Variants in ENTREP2 observed in about 807,000 individuals in gnomAD.
ENTREP2 encodes endosomal transmembrane epsin interactor 2, also known as protein ENTREP2.
At chr15:29,418,543 A>G in the ENTREP2 span, among the ~76,000 whole-genome samples, 2 of 152,206 alleles carry the variant, frequency 1.3e-5, no homozygotes, top group African/African-American at 2.4e-5. Context: ...GAATACAGTT[A>G]TATGTCTTAT....
chr15:29,353,374 G>C, the ENTREP2 span, among the ~76,000 whole-genome samples: 1 of 152,168 alleles, frequency 6.6e-6, no homozygotes, highest in African/African-American at 2.4e-5. Context: ...CTGGGAAGGA[G>C]AGGAGCTCAT....
At chr15:29,338,559 GA>G in the ENTREP2 span, among the ~76,000 whole-genome samples, 4 of 152,196 alleles carry the variant, frequency 2.6e-5, no homozygotes, top group South Asian at 8.3e-4. Context: ...TGCCTTGGAG[GA>G]CACAGAGGAT....
At chr15:29,559,464 C>T in the ENTREP2 span, among the ~76,000 whole-genome samples, 1 of 152,218 alleles carries the variant, frequency 6.6e-6, no homozygotes, top group African/African-American at 2.4e-5. Flanking sequence ...TGCCACAAAC[C>T]TGGTGACTTA....
the ENTREP2 span, among the ~76,000 whole-genome samples, chr15:29,630,965 A>C: frequency 6.6e-6 from 1 of 152,230 alleles, no homozygotes; most frequent in Non-Finnish European, 1.5e-5. Flanking sequence ...TACAGGCATA[A>C]GCCTGTATTA....
At chr15:29,247,914 G>A in the ENTREP2 span, among the ~76,000 whole-genome samples, 3 of 152,200 alleles carry the variant, frequency 2.0e-5, no homozygotes, top group Non-Finnish European at 2.9e-5. Context: ...ACCCTGGCAA[G>A]TTCAGGGTTC....
chr15:29,458,679 CA>C, the ENTREP2 span, among the ~76,000 whole-genome samples: 3 of 152,310 alleles, frequency 2.0e-5, no homozygotes, highest in South Asian at 6.2e-4. Context: ...ACCATAATGT[CA>C]AACAATCATA....
At chr15:29,172,240 A>C in the ENTREP2 span, among the ~76,000 whole-genome samples, 1 of 152,210 alleles carries the variant, frequency 6.6e-6, no homozygotes, top group Non-Finnish European at 1.5e-5. Context: ...AAAAAAGCCA[A>C]TTCCAGTTCC....
the ENTREP2 span, among the ~76,000 whole-genome samples, chr15:29,395,395 T>C: frequency 2.0e-5 from 3 of 152,180 alleles, no homozygotes; most frequent in African/African-American, 7.2e-5. Flanking sequence ...GTAATTCTAT[T>C]TGTAATAATA....
At chr15:29,510,091 T>A in the ENTREP2 span, among the ~76,000 whole-genome samples, 1 of 152,158 alleles carries the variant, frequency 6.6e-6, no homozygotes, top group Non-Finnish European at 1.5e-5. Flanking sequence ...GGGTGAAGGA[T>A]ATGAACAGAT....
the ENTREP2 span, among the ~76,000 whole-genome samples, chr15:29,380,848 CTTTTTTT>C: frequency 7.8e-6 from 1 of 127,492 alleles, no homozygotes; most frequent in African/African-American, 3.0e-5. Flanking sequence ...TGCATCCACA[CTTTTTTT>C]TTTTTTTTTT....
the ENTREP2 span, among the ~76,000 whole-genome samples, chr15:29,564,330 G>A: frequency 1.3e-5 from 2 of 152,126 alleles, no homozygotes; most frequent in East Asian, 1.9e-4. Flanking sequence ...CTCAGCTTTT[G>A]ATGTTATCTT....
At chr15:29,511,008 G>A in the ENTREP2 span, among the ~76,000 whole-genome samples, 1 of 152,064 alleles carries the variant, frequency 6.6e-6, no homozygotes. Context: ...TATGGGCACA[G>A]GGAGGGGAAT....
the ENTREP2 span, among the ~76,000 whole-genome samples, chr15:29,557,278 C>T: frequency 2.0e-5 from 3 of 152,140 alleles, no homozygotes; most frequent in South Asian, 2.1e-4. Context: ...TAGATCAATA[C>T]CACCTTAGGT....
At chr15:29,319,909 G>C in the ENTREP2 span, among the ~76,000 whole-genome samples, 3 of 152,200 alleles carry the variant, frequency 2.0e-5, no homozygotes, top group African/African-American at 7.2e-5. Context: ...ACTTTTGTGT[G>C]TTTTGCCTCT....
the ENTREP2 span, chr15:29,570,381 A>T: frequency 2.0e-6 from 1 of 494,740 alleles, no homozygotes; most frequent in Non-Finnish European, 3.1e-6. Flanking sequence ...CGCTGCAGCT[A>T]CTCGGCCCCG....
the ENTREP2 span, among the ~76,000 whole-genome samples, chr15:29,433,733 C>T: frequency 6.7e-6 from 1 of 150,250 alleles, no homozygotes. Context: ...GGCTGTCCCT[C>T]AAGGGGTCTC....
chr15:29,136,921 T>C, the ENTREP2 span: 1 of 939,136 alleles, frequency 1.1e-6, no homozygotes, highest in South Asian at 2.2e-5. Context: ...CTCCTTCCAC[T>C]GCCCCTCCTC....
chr15:29,603,392 T>C, the ENTREP2 span, among the ~76,000 whole-genome samples: 605 of 152,204 alleles, frequency 4.0e-3, 6 homozygotes, highest in African/African-American at 0.014. Flanking sequence ...TCTGAACAGT[T>C]GGGGTTTTCT....
the ENTREP2 span, among the ~76,000 whole-genome samples, chr15:29,439,225 G>C: frequency 6.7e-6 from 1 of 149,484 alleles, no homozygotes; most frequent in African/African-American, 2.5e-5. Flanking sequence ...GTAGGGGCAG[G>C]GAAAGCATCA....
Sources: gnomAD v4.1 joint callset for allele counts (sites outside exome capture counted in the v4.1 genomes callset) on GRCh38, gnomAD v4.1.1 for gene constraint, MANE v1.5 for transcripts, NCBI Gene and HGNC (gene_info 2026-07-23, HGNC 2026-07-21) for gene names.